C8orf34: variants seen among roughly 807,000 people sequenced by gnomAD.
The protein encoded by C8orf34 is uncharacterized protein C8orf34.
A neutral mutation model predicts 68.3 loss-of-function variants in C8orf34; 65 were observed. The observed-to-expected ratio is 0.95, with a 90% CI of 0.78 to 1.17. The LOEUF (loss-of-function observed/expected upper bound fraction) is 1.17, where lower values mean the gene tolerates loss of function less well. C8orf34 is among the 50% of genes most tolerant of loss of function. The pLI is 0.00. For missense variants in C8orf34, 664 were observed against 655.4 expected, an observed-to-expected ratio of 1.01 and a Z score of -0.14; for synonymous variants, 244 against 241.2, an observed-to-expected ratio of 1.01 and a Z score of -0.11.
chr8:68,468,792 G>T lies in C8orf34; in HGVS notation c.708G>T (p.Leu236=), dbSNP rs756826811. The T allele has an allele frequency of 6.2e-7, 1 of 1,611,582 alleles. No individual in the cohort carries two copies. The change falls in exon 4 of 14, where the codon CTG becomes CTT. Residue 236 remains leucine, a synonymous_variant. Coordinates refer to ENST00000518698, the MANE Select transcript of C8orf34 (RefSeq NM_052958.4). The part of the protein sequence containing the change: ...LNHILQESKK[L]GKALENLSRS... ...ACATCCTTCAGGAGAGCAAGAAGCTGGGGAAAGCCCTTGAGAATCTCTCTC... is the reference window on the plus strand; with the variant it reads ...ACATCCTTCAGGAGAGCAAGAAGCTTGGGAAAGCCCTTGAGAATCTCTCTC...
At chr8:68,614,061 T>A (rs1036856794) in intron 7 of C8orf34, among the ~76,000 whole-genome samples, 3 of 152,246 alleles carry the variant, frequency 2.0e-5, no homozygotes, top group Admixed American at 2.0e-4. Context: ...CATTTTTTCA[T>A]GTGTTTTTTG....
intron 8 of C8orf34, among the ~76,000 whole-genome samples, chr8:68,672,540 A>T (rs1220275412): frequency 1.3e-5 from 2 of 152,130 alleles, no homozygotes; most frequent in African/African-American, 4.8e-5. Flanking sequence ...ACCAGGTAGA[A>T]CTCAGCCTGT....
At chr8:68,681,909 A>G (rs1820381877) in intron 8 of C8orf34, among the ~76,000 whole-genome samples, 1 of 152,210 alleles carries the variant, frequency 6.6e-6, no homozygotes, top group Admixed American at 6.6e-5. Context: ...GAGATAAGCC[A>G]GGCTTAGAAA....
intron 12 of C8orf34, among the ~76,000 whole-genome samples, chr8:68,810,897 C>T (rs953429949): frequency 6.6e-6 from 1 of 152,118 alleles, no homozygotes; most frequent in African/African-American, 2.4e-5. Context: ...TCCATGCGTG[C>T]GCCTAGGAGA....
chr8:68,346,144 G>A (rs544235744), intron 1 of C8orf34, among the ~76,000 whole-genome samples: 1 of 152,140 alleles, frequency 6.6e-6, no homozygotes, highest in South Asian at 2.1e-4. Flanking sequence ...CTGATTGAAT[G>A]TGTATTCTTT....
intron 5 of C8orf34, among the ~76,000 whole-genome samples, chr8:68,501,037 C>T (rs1431835696): frequency 6.6e-6 from 1 of 152,100 alleles, no homozygotes; most frequent in Non-Finnish European, 1.5e-5. Flanking sequence ...ATGCCTTCTG[C>T]CTCCAATGCA....
At chr8:68,700,246 T>C (rs1404975182) in intron 8 of C8orf34, among the ~76,000 whole-genome samples, 3 of 151,918 alleles carry the variant, frequency 2.0e-5, no homozygotes, top group African/African-American at 4.8e-5. Context: ...GAAAAGAAGA[T>C]TTGGGGAGGT....
At chr8:68,484,412 C>T (rs1812989474) in intron 4 of C8orf34, among the ~76,000 whole-genome samples, 1 of 152,132 alleles carries the variant, frequency 6.6e-6, no homozygotes, top group Non-Finnish European at 1.5e-5. Flanking sequence ...CCTTTAAGCT[C>T]TAGTTTGACT....
rs529689341 is a variant in C8orf34 at position 68,807,383 on chromosome 8, G to A, written c.1550-8503G>A. 3.3e-5 allele frequency among the ~76,000 whole-genome samples: 5 copies of A among 152,270 alleles called. No homozygotes were observed. In the East Asian group the frequency reaches 5.8e-4, roughly 18 times the overall value. The stretch of plus-strand genomic sequence containing the variant: ...CATATTTTCATCCATTTAACTCTGA[G>A]TATAATTCTGAATAAATGTAGTGTG... On this transcript the variant is annotated intron_variant, in intron 12 of 13. Coordinates refer to ENST00000518698, the MANE Select transcript of C8orf34 (RefSeq NM_052958.4).
chr8:68,545,865 G>GA (rs1815860158), intron 7 of C8orf34, among the ~76,000 whole-genome samples: 1 of 151,948 alleles, frequency 6.6e-6, no homozygotes, highest in Non-Finnish European at 1.5e-5. Flanking sequence ...ACTGCTTAAA[G>GA]CAAAAATACA....
At chr8:68,714,460 A>G (rs1048052032) in intron 9 of C8orf34, among the ~76,000 whole-genome samples, 5 of 152,214 alleles carry the variant, frequency 3.3e-5, no homozygotes, top group African/African-American at 1.2e-4. Flanking sequence ...TACGCATATC[A>G]GTAGCTCTGC....
At chr8:68,777,114 G>A (rs1823541854) in intron 11 of C8orf34, among the ~76,000 whole-genome samples, 1 of 152,230 alleles carries the variant, frequency 6.6e-6, no homozygotes. Flanking sequence ...CACTGCAGGT[G>A]GAGGGAACTG....
intron 12 of C8orf34, among the ~76,000 whole-genome samples, chr8:68,813,757 T>C (rs1824726029): frequency 6.6e-6 from 1 of 152,170 alleles, no homozygotes. Flanking sequence ...CACTATAGTC[T>C]TACCAATCAC....
intron 1 of C8orf34, among the ~76,000 whole-genome samples, chr8:68,430,949 T>C (rs1227486638): frequency 2.0e-5 from 3 of 152,120 alleles, no homozygotes; most frequent in Non-Finnish European, 2.9e-5. Context: ...CCACATGATA[T>C]GTTTTATGCA....
At chr8:68,470,674 A>G (rs1812342755) in intron 4 of C8orf34, among the ~76,000 whole-genome samples, 1 of 152,120 alleles carries the variant, frequency 6.6e-6, no homozygotes, top group Non-Finnish European at 1.5e-5. Context: ...TCTAAAATCC[A>G]GGTGCTGACA....
At chr8:68,419,050 C>A (rs1442671606) in intron 1 of C8orf34, among the ~76,000 whole-genome samples, 1 of 150,882 alleles carries the variant, frequency 6.6e-6, no homozygotes, top group Non-Finnish European at 1.5e-5. Context: ...AGGCAACCTA[C>A]AAAATGGGAG....
chr8:68,675,319 A>G (rs970708716), intron 8 of C8orf34, among the ~76,000 whole-genome samples: 2 of 152,224 alleles, frequency 1.3e-5, no homozygotes, highest in Non-Finnish European at 2.9e-5. Context: ...TCTTGAGTAG[A>G]AAAACTAAAA....
chr8:68,424,121 C>A (rs982988844), intron 1 of C8orf34, among the ~76,000 whole-genome samples: 1 of 152,136 alleles, frequency 6.6e-6, no homozygotes, highest in African/African-American at 2.4e-5. Context: ...TCCCTCCCCC[C>A]TGCCCATGTT....
chr8:68,795,893 G>A (rs546036800), intron 12 of C8orf34, among the ~76,000 whole-genome samples: 2 of 152,152 alleles, frequency 1.3e-5, no homozygotes, highest in Non-Finnish European at 2.9e-5. Flanking sequence ...GTCCCTGATT[G>A]TTTTTGACAA....
Sources: gnomAD v4.1 joint callset for allele counts (sites outside exome capture counted in the v4.1 genomes callset) on GRCh38, gnomAD v4.1.1 for gene constraint, MANE v1.5 for transcripts, NCBI Gene and HGNC (gene_info 2026-07-23, HGNC 2026-07-21) for gene names.